Variants in TMEM132B observed in about 807,000 individuals in gnomAD.
TMEM132B encodes the protein transmembrane protein 132B.
TMEM132B carries 18 observed loss-of-function variants against 90.8 expected under a neutral mutation model. The observed-to-expected ratio is 0.20, with a 90% CI of 0.14 to 0.29. TMEM132B has a LOEUF of 0.29. Ranked by LOEUF, TMEM132B falls within the 10% of genes least tolerant of loss-of-function variation. The pLI, the probability that TMEM132B is intolerant of heterozygous loss-of-function variation, is 1.00. For missense variants in TMEM132B, 1,096 were observed against 1,326.8 expected (o/e 0.83, Z 2.70); for synonymous variants, 504 against 523.3 (o/e 0.96, Z 0.50).
At chr12:125,256,297 C>T (rs964891140) in intron 1 of TMEM132B, among the ~76,000 whole-genome samples, 3 of 152,294 alleles carry the variant, frequency 2.0e-5, no homozygotes, top group South Asian at 2.1e-4. Flanking sequence ...AATACAGCCT[C>T]GCTGAGGGCA....
At chr12:125,341,776 TATA>T in intron 1 of TMEM132B, among the ~76,000 whole-genome samples, 1 of 152,340 alleles carries the variant, frequency 6.6e-6, no homozygotes, top group South Asian at 2.1e-4. Context: ...AAGCATAATA[TATA>T]CATTCACCAT....
At chr12:125,244,953 T>A (rs1226345806) in intron 1 of TMEM132B, among the ~76,000 whole-genome samples, 1 of 152,036 alleles carries the variant, frequency 6.6e-6, no homozygotes, top group Admixed American at 6.6e-5. Context: ...CCCCTCAGTT[T>A]CCCCATTTGT....
intron 5 of TMEM132B, among the ~76,000 whole-genome samples, chr12:125,616,314 T>G (rs1254330624): frequency 6.6e-6 from 1 of 152,108 alleles, no homozygotes; most frequent in Non-Finnish European, 1.5e-5. Flanking sequence ...TATATGACAC[T>G]TTTATACCGT....
At chr12:125,555,649 C>A (rs191155985) in intron 4 of TMEM132B, among the ~76,000 whole-genome samples, 191 of 151,262 alleles carry the variant, frequency 1.3e-3, no homozygotes, top group African/African-American at 4.4e-3. Context: ...ACCAACATGG[C>A]ACATGTATAC....
chr12:125,330,739 TGGCTG>T (rs1431923809), intron 1 of TMEM132B, among the ~76,000 whole-genome samples: 1 of 152,208 alleles, frequency 6.6e-6, no homozygotes, highest in African/African-American at 2.4e-5. Context: ...TAAAATTTCT[TGGCTG>T]GGCACAGTGG....
chr12:125,319,187 G>A (rs530157846), intron 1 of TMEM132B, among the ~76,000 whole-genome samples: 6 of 152,336 alleles, frequency 3.9e-5, no homozygotes, highest in East Asian at 3.9e-4. Flanking sequence ...TACAGCTCCC[G>A]GGGCTGGTGG....
In TMEM132B at chr12:125,277,203, G is replaced by A. The variant is rs890683964; in HGVS notation, c.68-72249G>A. ...CTTAGATGAAGAGGGAGAACAGGCC[G>A]GGCACGATGGCTCATGCCTGTAGTC... On this transcript the variant is annotated intron_variant, in intron 1 of 8. Coordinates refer to ENST00000682704, the MANE Select transcript of TMEM132B (RefSeq NM_001366854.1). This position sits in a 1 kb window ranked among gnomAD's most constrained non-coding sequence, Gnocchi z 4.3. Among the ~76,000 whole-genome samples, 70 of 152,166 alleles carry A rather than the reference G, an allele frequency of 4.6e-4. No individual in the cohort carries two copies. Among genetic ancestry groups the A allele is most frequent in the African/African-American group, 1.6e-3 (67 of 41,502 alleles).
At chr12:125,300,944 C>T (rs1178833474) in intron 1 of TMEM132B, 1 of 151,998 alleles carries the variant, frequency 6.6e-6, no homozygotes. Context: ...GATGGGTTCC[C>T]ATGGCATATA....
At chr12:125,225,790 T>G (rs1389465645) in intron 1 of TMEM132B, among the ~76,000 whole-genome samples, 1 of 152,196 alleles carries the variant, frequency 6.6e-6, no homozygotes. Context: ...GCGCCAGGTC[T>G]GGAAGTAGTG....
intron 2 of TMEM132B, among the ~76,000 whole-genome samples, chr12:125,413,230 T>C (rs1879907908): frequency 6.6e-6 from 1 of 152,172 alleles, no homozygotes; most frequent in African/African-American, 2.4e-5. Context: ...TTGGGTCTTA[T>C]AGGTGTTTTG....
intron 2 of TMEM132B, among the ~76,000 whole-genome samples, chr12:125,372,382 A>T (rs1236102243): frequency 2.0e-5 from 3 of 152,188 alleles, no homozygotes; most frequent in African/African-American, 7.2e-5. Flanking sequence ...CCAAGTAGTG[A>T]TTTTTCTTCA....
At chr12:125,402,240 A>T (rs773615717) in intron 2 of TMEM132B, among the ~76,000 whole-genome samples, 3 of 152,168 alleles carry the variant, frequency 2.0e-5, no homozygotes, top group Admixed American at 6.5e-5. Flanking sequence ...CCCAGGCTGG[A>T]GTGCAGTGGC....
chr12:125,300,913 G>A (rs1444837555), intron 1 of TMEM132B: 1 of 152,096 alleles, frequency 6.6e-6, no homozygotes, highest in African/African-American at 2.4e-5. Flanking sequence ...TGTGATGACA[G>A]CTTTCTCGGT....
chr12:125,304,863 C>G (rs942734918), intron 1 of TMEM132B, among the ~76,000 whole-genome samples: 1 of 152,076 alleles, frequency 6.6e-6, no homozygotes, highest in African/African-American at 2.4e-5. Context: ...ATCTTTTCTT[C>G]TTTGCTGCTG....
intron 1 of TMEM132B, among the ~76,000 whole-genome samples, chr12:125,284,384 C>T (rs1477387624): frequency 2.0e-5 from 3 of 152,196 alleles, no homozygotes; most frequent in Non-Finnish European, 4.4e-5. Flanking sequence ...GAGCACTGTG[C>T]ATGTGCTGGG....
At chr12:125,509,958 A>G (rs191081730) in intron 3 of TMEM132B, among the ~76,000 whole-genome samples, 8 of 152,312 alleles carry the variant, frequency 5.3e-5, no homozygotes, top group Non-Finnish European at 1.2e-4. Context: ...TCCATTGTCC[A>G]TTTTTTATGT....
chr12:125,650,796 C>T lies in TMEM132B; in HGVS notation c.1757C>T (p.Pro586Leu). 6.2e-7 allele frequency: 1 copy of T among 1,614,212 alleles called. No individual in the cohort carries two copies. The highest frequency in any genetic ancestry group is 1.1e-5 in the South Asian group (1 of 91,082). ...CTCACCCAGTTTGTGGCCGAGTCACCTGACTTAGGGCAGCTGACCTACATG... is the reference window on the plus strand; with the variant it reads ...CTCACCCAGTTTGTGGCCGAGTCACTTGACTTAGGGCAGCTGACCTACATG... ...RVLTQFVAES[P>L]DLGQLTYMLG... Residue 586 changes from proline (P) to leucine (L), a missense_variant, in exon 7 of 9, where the codon CCT becomes CTT. Physicochemically the swap from Pro to Leu is moderately conservative, Grantham distance 98. Transcript: ENST00000682704.
intron 4 of TMEM132B, among the ~76,000 whole-genome samples, chr12:125,554,682 C>T (rs1260970556): frequency 6.6e-6 from 1 of 152,096 alleles, no homozygotes; most frequent in Non-Finnish European, 1.5e-5. Flanking sequence ...TTCTTCCCCT[C>T]AGTTACAACC....
chr12:125,391,624 G>A (rs999265392), intron 2 of TMEM132B, among the ~76,000 whole-genome samples: 5 of 152,106 alleles, frequency 3.3e-5, no homozygotes, highest in Non-Finnish European at 7.4e-5. Context: ...GTCTGTGTGC[G>A]TGGACAGTGG....
Sources: gnomAD v4.1 joint callset for allele counts (sites outside exome capture counted in the v4.1 genomes callset) on GRCh38, gnomAD v4.1.1 for gene constraint, Gnocchi (gnomAD v3.1) non-coding constraint, MANE v1.5 for transcripts, NCBI Gene and HGNC (gene_info 2026-07-23, HGNC 2026-07-21) for gene names.